The following SUGCT variants were observed in gnomAD, a reference collection of about 807,000 sequenced individuals.
SUGCT encodes succinyl-CoA:glutarate-CoA transferase.
A neutral mutation model predicts 55.0 loss-of-function variants in SUGCT; 41 were observed. The ratio of observed to expected loss-of-function variants is 0.74; its 90% confidence interval spans 0.58 to 0.97. SUGCT has a LOEUF of 0.97. SUGCT is among the 50% of genes least tolerant of loss of function. The pLI is 0.00. For missense variants in SUGCT, 568 were observed against 547.8 expected, an observed-to-expected ratio of 1.04 and a Z score of -0.37; for synonymous variants, 187 against 200.4, an observed-to-expected ratio of 0.93 and a Z score of 0.56.
chr7:40,170,230 C>T (rs1199374849), intron 1 of SUGCT, among the ~76,000 whole-genome samples: 4 of 152,128 alleles, frequency 2.6e-5, no homozygotes, highest in Admixed American at 6.5e-5. Context: ...TACCAGAGAT[C>T]GCCAGACTCT....
At chr7:40,823,813 A>G (rs1792156843) in intron 13 of SUGCT, among the ~76,000 whole-genome samples, 1 of 152,204 alleles carries the variant, frequency 6.6e-6, no homozygotes, top group African/African-American at 2.4e-5. Flanking sequence ...ATAGCGACAG[A>G]CTTAAGAGAA....
rs143389437 is a variant in SUGCT, at chr7:40,769,457, C to T, written c.1153+19960C>T. On this transcript the variant is annotated intron_variant, in intron 13 of 13. Transcript: ENST00000335693. ...TTAACTTAATTATCCAGGAGGGCCT[C>T]GTGTAATCACCATCATTTTATAAGA... 1.5e-4 allele frequency among the ~76,000 whole-genome samples: 23 copies of T among 152,184 alleles called. No individual in the cohort carries two copies. The East Asian group carries it at 4.1e-3, about 27-fold the overall frequency.
At chr7:40,805,446 G>C (rs1291626293) in intron 13 of SUGCT, among the ~76,000 whole-genome samples, 2 of 152,184 alleles carry the variant, frequency 1.3e-5, no homozygotes, top group African/African-American at 4.8e-5. Context: ...TAATGTTTGG[G>C]TTGGGGCATG....
chr7:40,760,799 C>T (rs1481109260), intron 13 of SUGCT, among the ~76,000 whole-genome samples: 2 of 151,574 alleles, frequency 1.3e-5, no homozygotes, highest in African/African-American at 4.9e-5. Context: ...CATTGACAGG[C>T]TGTCTCACGT....
the SUGCT span, among the ~76,000 whole-genome samples, chr7:41,011,020 G>T: frequency 6.6e-6 from 1 of 152,184 alleles, no homozygotes; most frequent in Non-Finnish European, 1.5e-5. Flanking sequence ...AGGAAAATAG[G>T]CATATCTTTC....
At chr7:40,387,382 C>T (rs927099299) in intron 9 of SUGCT, among the ~76,000 whole-genome samples, 1 of 152,070 alleles carries the variant, frequency 6.6e-6, no homozygotes, top group Non-Finnish European at 1.5e-5. Context: ...GACACAAAGG[C>T]AGGAAATCTA....
intron 9 of SUGCT, among the ~76,000 whole-genome samples, chr7:40,402,946 G>A (rs1302796854): frequency 6.6e-6 from 1 of 152,168 alleles, no homozygotes; most frequent in African/African-American, 2.4e-5. Flanking sequence ...CTTTTTACTG[G>A]AAACCTCGTG....
At chr7:40,439,036 GTATA>G (rs777782149) in intron 9 of SUGCT, among the ~76,000 whole-genome samples, 3 of 99,688 alleles carry the variant, frequency 3.0e-5, no homozygotes, top group Non-Finnish European at 5.9e-5. Flanking sequence ...ATATAATATG[GTATA>G]TATATATATG....
intron 12 of SUGCT, among the ~76,000 whole-genome samples, chr7:40,682,900 T>C (rs1361418150): frequency 6.6e-6 from 1 of 152,154 alleles, no homozygotes; most frequent in Non-Finnish European, 1.5e-5. Context: ...AAGGAAAAGA[T>C]ATGTTTGAAA....
At position 40,783,857 on chromosome 7, in the gene SUGCT, G is replaced by A. The variant is rs965311892; in HGVS notation, c.1153+34360G>A. 2.0e-5 allele frequency among the ~76,000 whole-genome samples: 3 copies of A among 152,126 alleles called. No individual in the cohort carries two copies. The East Asian group carries it at 5.8e-4, about 29-fold the overall frequency. ...TGAATTACTATGGTTTACTCTTCCA[G>A]TAGGTTGCAGGCCTTGATGAAATTG... On this transcript the variant is annotated intron_variant, in intron 13 of 13. Transcript: ENST00000335693.
chr7:40,203,891 A>G (rs1786772408), intron 6 of SUGCT, among the ~76,000 whole-genome samples: 1 of 152,154 alleles, frequency 6.6e-6, no homozygotes, highest in South Asian at 2.1e-4. Context: ...CTTTTTCTGT[A>G]TATATAATTT....
chr7:40,512,372 T>C (rs1215442486), intron 12 of SUGCT, among the ~76,000 whole-genome samples: 1 of 152,184 alleles, frequency 6.6e-6, no homozygotes, highest in Non-Finnish European at 1.5e-5. Flanking sequence ...AAGATGGAGT[T>C]ATGGATATCT....
intron 8 of SUGCT, among the ~76,000 whole-genome samples, chr7:40,305,290 T>C (rs1794791084): frequency 1.3e-5 from 2 of 152,254 alleles, no homozygotes; most frequent in Admixed American, 6.5e-5. Flanking sequence ...CTAACTTTCC[T>C]CCTTTTCTCT....
chr7:40,135,191 G>C, intron 1 of SUGCT, 71 bp downstream of exon 1: 1 of 1,482,038 alleles, frequency 6.7e-7, no homozygotes, highest in African/African-American at 1.4e-5. Context: ...GGCGCCCTGA[G>C]GAGAGCAATT....
the SUGCT span, among the ~76,000 whole-genome samples, chr7:40,964,174 A>C: frequency 2.6e-5 from 4 of 152,210 alleles, no homozygotes; most frequent in African/African-American, 7.2e-5. Flanking sequence ...TTCATAAATT[A>C]AGACAGATTT....
chr7:40,308,326 T>A (rs1471799622), intron 8 of SUGCT, among the ~76,000 whole-genome samples: 1 of 152,066 alleles, frequency 6.6e-6, no homozygotes, highest in African/African-American at 2.4e-5. Flanking sequence ...GGGTCAGGAT[T>A]TTTCCATTCG....
intron 5 of SUGCT, among the ~76,000 whole-genome samples, chr7:40,193,038 C>T (rs553174060): frequency 1.3e-5 from 2 of 149,506 alleles, no homozygotes; most frequent in South Asian, 4.2e-4. Flanking sequence ...GAGAATTTGG[C>T]TCACTGCAGC....
chr7:40,551,686 A>G (rs1200693332), intron 12 of SUGCT, among the ~76,000 whole-genome samples: 1 of 152,226 alleles, frequency 6.6e-6, no homozygotes. Context: ...GAGACCGTTC[A>G]GTTGGAGAGA....
intron 13 of SUGCT, among the ~76,000 whole-genome samples, chr7:40,806,622 T>C (rs144521284): frequency 6.6e-6 from 1 of 152,332 alleles, no homozygotes; most frequent in East Asian, 1.9e-4. Context: ...TCATCATGAA[T>C]ATTGATTCTG....
Sources: gnomAD v4.1 joint callset for allele counts (sites outside exome capture counted in the v4.1 genomes callset) on GRCh38, gnomAD v4.1.1 for gene constraint, MANE v1.5 for transcripts, NCBI Gene and HGNC (gene_info 2026-07-23, HGNC 2026-07-21) for gene names.